KAZN: variants seen among roughly 807,000 people sequenced by gnomAD.
KAZN encodes kazrin, periplakin interacting protein, also known as kazrin.
Under a neutral mutation model 87.4 loss-of-function variants are expected in KAZN, and 40 were observed. The ratio of observed to expected loss-of-function variants is 0.46; its 90% CI spans 0.36 to 0.60. KAZN has a LOEUF of 0.60. Among genes scored for constraint, KAZN ranks in the 20% least tolerant of loss-of-function variants. KAZN has a pLI of 0.00. For missense variants in KAZN, 898 were observed against 1,073.9 expected (o/e 0.84, Z 2.29); for synonymous variants, 466 against 458.3 (o/e 1.02, Z -0.22).
intron 2 of KAZN, among the ~76,000 whole-genome samples, chr1:14,433,038 G>A (rs1226969343): frequency 6.6e-6 from 1 of 151,934 alleles, no homozygotes; most frequent in East Asian, 1.9e-4. Flanking sequence ...AAATTATTCA[G>A]TCTCTCTGGA....
intron 1 of KAZN, among the ~76,000 whole-genome samples, chr1:13,917,931 T>C (rs777097200): frequency 1.5e-4 from 23 of 152,194 alleles, no homozygotes; most frequent in Non-Finnish European, 2.8e-4. Context: ...AGCCCACTAT[T>C]GGGACCTACT....
intron 2 of KAZN, among the ~76,000 whole-genome samples, chr1:14,478,091 C>T (rs538652135): frequency 1.2e-3 from 176 of 152,178 alleles, no homozygotes; most frequent in Non-Finnish European, 2.2e-3. Flanking sequence ...GCTCACACTT[C>T]CCAAATGAAA....
chr1:14,434,233 C>T (rs1666250005), intron 2 of KAZN, among the ~76,000 whole-genome samples: 2 of 152,262 alleles, frequency 1.3e-5, no homozygotes, highest in South Asian at 4.1e-4. Context: ...GAAAAAAATC[C>T]TGTTATGAGG....
intron 1 of KAZN, among the ~76,000 whole-genome samples, chr1:13,979,948 AAAAG>A (rs1463608347): frequency 6.7e-6 from 1 of 150,306 alleles, no homozygotes; most frequent in Non-Finnish European, 1.5e-5. Context: ...AAAAAAAAAA[AAAAG>A]AATTTAAAAT....
At chr1:14,304,867 T>C (rs1274435215) in intron 2 of KAZN, among the ~76,000 whole-genome samples, 1 of 152,054 alleles carries the variant, frequency 6.6e-6, no homozygotes, top group Non-Finnish European at 1.5e-5. Flanking sequence ...GATGAAGCCC[T>C]AGGACTGTGT....
chr1:14,752,301 T>C (rs12028222), intron 1 of KAZN, among the ~76,000 whole-genome samples: 68,438 of 152,046 alleles, frequency 0.45, 15,752 homozygotes, highest in Middle Eastern at 0.54. Context: ...GAGATGATGC[T>C]GATATGCCTT....
At chr1:14,929,191 G>A (rs984016809) in intron 1 of KAZN, among the ~76,000 whole-genome samples, 1 of 152,194 alleles carries the variant, frequency 6.6e-6, no homozygotes, top group Non-Finnish European at 1.5e-5. Context: ...GGAAGGAGGG[G>A]GAATTCCTAT....
At chr1:14,399,590 G>A (rs1663209816) in intron 2 of KAZN, among the ~76,000 whole-genome samples, 1 of 152,124 alleles carries the variant, frequency 6.6e-6, no homozygotes, top group East Asian at 1.9e-4. Context: ...CTGGGGGCGT[G>A]TACTGGGTTT....
intron 1 of KAZN, among the ~76,000 whole-genome samples, chr1:14,654,909 T>C (rs1310631162): frequency 1.3e-5 from 2 of 152,150 alleles, no homozygotes; most frequent in Non-Finnish European, 1.5e-5. Context: ...AATCAGTAAT[T>C]AAAGCAACTG....
At chr1:14,925,948 T>A (rs902690076) in intron 1 of KAZN, among the ~76,000 whole-genome samples, 4 of 152,250 alleles carry the variant, frequency 2.6e-5, no homozygotes, top group Non-Finnish European at 5.9e-5. Flanking sequence ...TTGCTTCATC[T>A]TTTTGAGACT....
At chr1:14,789,987 G>T (rs1278938163) in intron 1 of KAZN, among the ~76,000 whole-genome samples, 4 of 151,522 alleles carry the variant, frequency 2.6e-5, no homozygotes, top group African/African-American at 4.8e-5. Flanking sequence ...GGCATTCCTT[G>T]AATTTCTTTT....
At chr1:14,924,259 GCTCGGCTGCGCCCCGATGCGGCGGCGAC>G in intron 1 of KAZN, 7 of 982,058 alleles carry the variant, frequency 7.1e-6, no homozygotes, top group Non-Finnish European at 8.4e-6. Context: ...GCGGGGGCGG[GCTCGGCTGCGCCCCGATGCGGCGGCGAC>G]CTCCGGGTCT....
At chr1:14,652,308 A>T (rs74462377) in intron 1 of KAZN, among the ~76,000 whole-genome samples, 6,795 of 152,104 alleles carry the variant, frequency 0.045, 186 homozygotes, top group Middle Eastern at 0.071. Flanking sequence ...TAAAATTGCC[A>T]TTTCAGAGTC....
At chr1:14,919,448 A>T (rs1205859619) in intron 1 of KAZN, among the ~76,000 whole-genome samples, 2 of 152,224 alleles carry the variant, frequency 1.3e-5, no homozygotes, top group Non-Finnish European at 2.9e-5. Flanking sequence ...AAGTGCTGGG[A>T]TTACAGGCAT....
chr1:14,668,554 G>A (rs909784424), intron 1 of KAZN, among the ~76,000 whole-genome samples: 23 of 152,080 alleles, frequency 1.5e-4, no homozygotes, highest in African/African-American at 4.3e-4. Context: ...GGAAAGGGCC[G>A]AATCCCTTCT....
chr1:14,262,226 C>T (rs6681266), intron 2 of KAZN, among the ~76,000 whole-genome samples: 31,216 of 151,822 alleles, frequency 0.21, 3,458 homozygotes, highest in Middle Eastern at 0.36. Flanking sequence ...CGAGCCCTAG[C>T]AATATAACAA....
chr1:13,898,430 G>A (rs941017749), intron 1 of KAZN, among the ~76,000 whole-genome samples: 20 of 152,336 alleles, frequency 1.3e-4, no homozygotes, highest in African/African-American at 4.1e-4. Flanking sequence ...TAAGTTGCGC[G>A]TGTGTTACGG....
chr1:14,824,832 G>A (rs950651292), intron 1 of KAZN, among the ~76,000 whole-genome samples: 1 of 152,174 alleles, frequency 6.6e-6, no homozygotes, highest in Non-Finnish European at 1.5e-5. Flanking sequence ...GACACTTGGT[G>A]GCAGAGAATT....
chr1:14,515,871 T>C (rs1317352756), intron 2 of KAZN, among the ~76,000 whole-genome samples: 1 of 152,148 alleles, frequency 6.6e-6, no homozygotes, highest in African/African-American at 2.4e-5. Context: ...GTCCCTTGCT[T>C]ATTTTGCATT....
Sources: allele counts gnomAD v4.1 joint callset (sites outside exome capture counted in the v4.1 genomes callset), GRCh38; gene constraint gnomAD v4.1.1; transcripts MANE v1.5; gene names NCBI Gene and HGNC (gene_info 2026-07-23, HGNC 2026-07-21).